Variants in CD84 observed in about 807,000 individuals in gnomAD.
The protein encoded by CD84 is SLAM family member 5.
CD84 carries 22 observed loss-of-function variants against 33.8 expected under a neutral mutation model. That is an observed-to-expected ratio of 0.65 (90% CI 0.46 to 0.93). CD84 has a LOEUF of 0.93. Ranked by LOEUF, CD84 falls within the 40% of genes least tolerant of loss-of-function variation. The pLI is 0.00. For missense variants in CD84, 400 were observed against 397.6 expected (o/e 1.01, Z -0.05); for synonymous variants, 154 against 145.2 (o/e 1.06, Z -0.44).
At chr1:160,561,738 T>C (rs77762530) in intron 2 of CD84, among the ~76,000 whole-genome samples, 2 of 152,268 alleles carry the variant, frequency 1.3e-5, no homozygotes, top group African/African-American at 4.8e-5. Flanking sequence ...CGTTTGCAGA[T>C]GACATGATCC....
At chr1:160,548,807 C>T (rs1434261110) in intron 6 of CD84, among the ~76,000 whole-genome samples, 2 of 152,186 alleles carry the variant, frequency 1.3e-5, no homozygotes, top group Admixed American at 6.5e-5. Flanking sequence ...CAATTAAATA[C>T]TGACCCAATA....
rs745636238 is a variant in CD84 at position 160,554,061 on chromosome 1, C to T, written c.474G>A (p.Glu158=). 3.7e-6 allele frequency: 6 copies of T among 1,614,104 alleles called. No homozygotes were observed. The East Asian group carries it at 8.9e-5, about 24-fold the overall frequency. ...TGTATGTCACATTCTTTTCTTCTTTCTCTACAGAGCATGTCAGTGTGACAT... is the reference window on the plus strand; with the variant it reads ...TGTATGTCACATTCTTTTCTTCTTTTTCTACAGAGCATGTCAGTGTGACAT... The part of the protein sequence containing the change: ...TCNVTLTCSV[E]KEEKNVTYNW... Residue 158 remains glutamate (E), a synonymous_variant, in exon 3 of 7, where the codon GAG becomes GAA. Coordinates refer to ENST00000368054, the MANE Select transcript of CD84 (RefSeq NM_003874.4).
intron 1 of CD84, among the ~76,000 whole-genome samples, chr1:160,576,862 G>T (rs1364853225): frequency 1.3e-5 from 2 of 152,078 alleles, no homozygotes; most frequent in Non-Finnish European, 2.9e-5. Context: ...TCCATAAATG[G>T]TTACTTATTA....
intron 1 of CD84, among the ~76,000 whole-genome samples, chr1:160,566,932 CATT>C (rs1657366334): frequency 6.6e-6 from 1 of 152,156 alleles, no homozygotes; most frequent in Non-Finnish European, 1.5e-5. Flanking sequence ...AACTTCAAGA[CATT>C]ATTTTTCTGC....
chr1:160,557,518 C>T (rs1369384515), intron 2 of CD84, among the ~76,000 whole-genome samples: 1 of 152,220 alleles, frequency 6.6e-6, no homozygotes, highest in Non-Finnish European at 1.5e-5. Flanking sequence ...GGATTACCCA[C>T]ATTTCTGTGT....
intron 1 of CD84, among the ~76,000 whole-genome samples, chr1:160,574,938 C>G (rs931354641): frequency 8.5e-5 from 13 of 152,100 alleles, no homozygotes; most frequent in Non-Finnish European, 1.6e-4. Context: ...TTCAAAGAGA[C>G]TAAAATAACA....
intron 2 of CD84, among the ~76,000 whole-genome samples, chr1:160,560,534 A>G (rs1656884212): frequency 6.6e-6 from 1 of 152,196 alleles, no homozygotes; most frequent in Non-Finnish European, 1.5e-5. Flanking sequence ...TGCCCACATC[A>G]AAAAGCTAGA....
At chr1:160,578,065 T>C (rs1025567131) in intron 1 of CD84, among the ~76,000 whole-genome samples, 9 of 152,192 alleles carry the variant, frequency 5.9e-5, no homozygotes, top group Admixed American at 3.9e-4. Flanking sequence ...ACCTTGGAAT[T>C]AGAAAAACCA....
At chr1:160,563,102 C>A (rs527290902) in intron 2 of CD84, among the ~76,000 whole-genome samples, 33 of 152,148 alleles carry the variant, frequency 2.2e-4, no homozygotes, top group African/African-American at 7.5e-4. Context: ...CAGATGCTGG[C>A]AAGATTGCAG....
intron 6 of CD84, among the ~76,000 whole-genome samples, chr1:160,548,807 C>G (rs1434261110): frequency 1.3e-5 from 2 of 152,186 alleles, no homozygotes; most frequent in Admixed American, 1.3e-4. Context: ...CAATTAAATA[C>G]TGACCCAATA....
At chr1:160,561,778 C>T (rs777913500) in intron 2 of CD84, among the ~76,000 whole-genome samples, 1 of 152,160 alleles carries the variant, frequency 6.6e-6, no homozygotes, top group East Asian at 1.9e-4. Flanking sequence ...AATCTCAGGC[C>T]AATATTTTCT....
At chr1:160,549,484 AAAGAGCAGC>A (rs1656047444) in intron 6 of CD84, among the ~76,000 whole-genome samples, 1 of 152,182 alleles carries the variant, frequency 6.6e-6, no homozygotes, top group Admixed American at 6.5e-5. Flanking sequence ...GCGTGTGGTA[AAAGAGCAGC>A]TGAGGGAGCA....
chr1:160,561,682 GAAAT>G (rs1471858356), intron 2 of CD84, among the ~76,000 whole-genome samples: 1 of 152,144 alleles, frequency 6.6e-6, no homozygotes, highest in Non-Finnish European at 1.5e-5. Context: ...GCAAGAGAAA[GAAAT>G]AAAGGGTATT....
chr1:160,562,190 C>T (rs1395410940), intron 2 of CD84, among the ~76,000 whole-genome samples: 1 of 152,118 alleles, frequency 6.6e-6, no homozygotes. Context: ...TCACATTAGA[C>T]TACTATTGAC....
In CD84 at chr1:160,543,602, T is replaced by TTTATTATTATTATTATTATTA. The variant is rs10527741; in HGVS notation, c.*4633_*4653dup. On this transcript the variant is annotated 3_prime_UTR_variant, in exon 7 of 7. Transcript: ENST00000368054. ...ATCTTCAAGGAGCTCTCCATTATTA[T>TTTATTATTATTATTATTATTA]TTATTATTATTATTATTATTATTAT... 327 of 142,704 alleles carry TTTATTATTATTATTATTATTA rather than the reference T, an allele frequency of 2.3e-3. 4 individuals are homozygous for TTTATTATTATTATTATTATTA. The highest frequency in any genetic ancestry group is 7.2e-3 in the African/African-American group (279 of 38,802). The allele number at this position is 142,704 out of a possible 1,614,324, so 8.8% of individuals were successfully genotyped here.
In CD84 at chr1:160,560,938, G is replaced by A. The variant is rs997118241; in HGVS notation, c.388+4466C>T. Among the ~76,000 whole-genome samples the A allele has an allele frequency of 3.3e-5, 5 of 152,160 alleles. No homozygotes were observed. The East Asian group carries it at 9.6e-4, about 29-fold the overall frequency. On this transcript the variant is annotated intron_variant, in intron 2 of 6. Transcript: ENST00000368054. ...TGGACACTTACACACTCCCAAGACTGAGCCAGGAAGAAGTTGAATTTTTGA... is the reference window on the plus strand; with the variant it reads ...TGGACACTTACACACTCCCAAGACTAAGCCAGGAAGAAGTTGAATTTTTGA...
intron 4 of CD84, chr1:160,552,688 T>A: frequency 6.5e-7 from 1 of 1,537,146 alleles, no homozygotes; most frequent in Non-Finnish European, 8.8e-7. Context: ...CAAGGAACTT[T>A]GTGGCTGAGA....
chr1:160,574,129 CTTT>C (rs35717679), intron 1 of CD84, among the ~76,000 whole-genome samples: 1 of 142,640 alleles, frequency 7.0e-6, no homozygotes, highest in Non-Finnish European at 1.5e-5. Context: ...AAAAACAAAG[CTTT>C]TTTTTTTTTT....
At position 160,565,710 on chromosome 1, in the gene CD84, T is replaced by G. The variant is rs749815582; in HGVS notation, c.82A>C (p.Thr28Pro). The change falls in exon 2 of 7, where the codon ACA (threonine) becomes CCA (proline). Residue 28 changes from threonine to proline, a missense_variant. Thr to Pro is a conservative substitution (Grantham distance 38). Transcript: ENST00000368054. ...EAAGKDSEIF[T>P]VNGILGESVT... ...GACTCTCCCAGAATCCCATTCACTGTGAAGATTTCTGAGTCTTTTCCAGCT... is the reference window on the plus strand; with the variant it reads ...GACTCTCCCAGAATCCCATTCACTGGGAAGATTTCTGAGTCTTTTCCAGCT... 8 of 1,612,168 alleles carry G rather than the reference T, an allele frequency of 5.0e-6. No individual in the cohort carries two copies. In the Admixed American group the frequency reaches 1.3e-4, roughly 27 times the overall value.
Sources: gnomAD v4.1 joint callset for allele counts (sites outside exome capture counted in the v4.1 genomes callset) on GRCh38, gnomAD v4.1.1 for gene constraint, MANE v1.5 for transcripts, NCBI Gene and HGNC (gene_info 2026-07-23, HGNC 2026-07-21) for gene names.